Variants in YIPF7 observed in about 807,000 individuals in gnomAD.
YIPF7 encodes protein YIPF7.
YIPF7 carries 35 observed loss-of-function variants against 27.2 expected under a neutral mutation model. The ratio of observed to expected loss-of-function variants is 1.29; its 90% CI spans 0.98 to 1.70. The LOEUF is 1.70. Ranked by LOEUF, YIPF7 falls within the 40% of genes most tolerant of loss-of-function variation. The probability of loss-of-function intolerance (pLI) is 0.00; values close to 1 mark genes in which losing one functional copy is unlikely to be tolerated. For missense variants in YIPF7, 358 were observed against 303.7 expected (o/e 1.18, Z -1.33); for synonymous variants, 137 against 110.4 (o/e 1.24, Z -1.51).
upstream of YIPF7, chr4:44,651,716 C>G (rs1331526149): frequency 7.3e-6 from 7 of 957,608 alleles, no homozygotes; most frequent in South Asian, 6.4e-5. Flanking sequence ...AATAAAAAAG[C>G]CTGCCAAAAG....
intron 3 of YIPF7, among the ~76,000 whole-genome samples, chr4:44,632,116 G>T (rs1712921613): frequency 6.6e-6 from 1 of 151,920 alleles, no homozygotes; most frequent in Admixed American, 6.6e-5. Context: ...TAATAATAAA[G>T]ATTGTATGTG....
intron 4 of YIPF7, 157 bp downstream of exon 4, chr4:44,629,246 G>A: frequency 2.3e-6 from 2 of 878,586 alleles, no homozygotes; most frequent in South Asian, 5.0e-5. Context: ...ATGCATAATG[G>A]TAGCATATTT....
At chr4:44,645,658 A>G (rs1713502392) in intron 2 of YIPF7, among the ~76,000 whole-genome samples, 2 of 152,220 alleles carry the variant, frequency 1.3e-5, no homozygotes, top group Admixed American at 1.3e-4. Context: ...ACACTATTAC[A>G]GATGAAATAA....
chr4:44,632,368 G>C (rs988589007), intron 3 of YIPF7, among the ~76,000 whole-genome samples: 1 of 152,182 alleles, frequency 6.6e-6, no homozygotes, highest in African/African-American at 2.4e-5. Context: ...TACGCAAATT[G>C]TGGCATTGGC....
intron 2 of YIPF7, among the ~76,000 whole-genome samples, chr4:44,636,456 C>T (rs1489098896): frequency 6.6e-6 from 1 of 152,148 alleles, no homozygotes; most frequent in Non-Finnish European, 1.5e-5. Context: ...AATAACATTG[C>T]AGGTGCTGGA....
At position 44,622,366 on chromosome 4, in the gene YIPF7, A is replaced by G; in HGVS notation, c.*48T>C. ...ATTTGAATGTTAATATATTTCCAAA[A>G]TAATCTGGACAGCAAACAGAGTCTT... On this transcript the variant is annotated 3_prime_UTR_variant, in exon 6 of 6. Transcript: ENST00000415895. 1 of 1,557,608 alleles carries G rather than the reference A, an allele frequency of 6.4e-7. No individual in the cohort carries two copies. Among genetic ancestry groups the G allele is most frequent in the East Asian group, 2.3e-5 (1 of 43,356 alleles).
At chr4:44,634,176 G>A (rs1439375) in intron 3 of YIPF7, among the ~76,000 whole-genome samples, 13,044 of 152,258 alleles carry the variant, frequency 0.086, 605 homozygotes, top group Admixed American at 0.11. Flanking sequence ...ATAGAACTCT[G>A]TGAAACCATT....
intron 5 of YIPF7, among the ~76,000 whole-genome samples, 165 bp downstream of exon 5, chr4:44,624,436 G>A (rs191601237): frequency 3.3e-5 from 5 of 152,166 alleles, no homozygotes; most frequent in Admixed American, 3.3e-4. Flanking sequence ...CAGCACCTGG[G>A]CCAAAACTAA....
upstream of YIPF7, among the ~76,000 whole-genome samples, chr4:44,654,175 G>A (rs951506205): frequency 1.6e-4 from 24 of 152,014 alleles, no homozygotes; most frequent in Admixed American, 1.2e-3. Context: ...ATAACACTGT[G>A]TATCTATAAA....
intron 2 of YIPF7, among the ~76,000 whole-genome samples, chr4:44,637,186 T>C (rs894142558): frequency 2.6e-5 from 4 of 152,204 alleles, no homozygotes; most frequent in African/African-American, 9.6e-5. Flanking sequence ...TTTGCTATTG[T>C]GAGTAGTGCT....
chr4:44,624,608 A>G lies in YIPF7; in HGVS notation c.601T>C (p.Ser201Pro). Residue 201 changes from serine (S) to proline (P), a missense_variant, in exon 5 of 6, where the codon TCA becomes CCA. By Grantham distance (74) the Ser-to-Pro change is moderately conservative. Transcript: ENST00000415895. Reference protein sequence around the residue: ...VILSGCAMFFSLQGIFGIMSS... With the variant: ...VILSGCAMFFPLQGIFGIMSS... The stretch of plus-strand genomic sequence containing the variant: ...GAGCACACAGACACTTACTGCAGTG[A>G]AAAGAACATGGCGCAACCAGACAGG... 6.3e-7 allele frequency: 1 copy of G among 1,586,988 alleles called. No individual in the cohort carries two copies. Among genetic ancestry groups the G allele is most frequent in the Non-Finnish European group, 8.6e-7 (1 of 1,167,818 alleles).
intron 4 of YIPF7, among the ~76,000 whole-genome samples, chr4:44,626,279 C>T (rs1159634781): frequency 6.6e-6 from 1 of 152,194 alleles, no homozygotes; most frequent in African/African-American, 2.4e-5. Context: ...AACAGAAATA[C>T]ATCAGCTATC....
chr4:44,628,491 C>T (rs1343346309), intron 4 of YIPF7, among the ~76,000 whole-genome samples: 1 of 152,058 alleles, frequency 6.6e-6, no homozygotes, highest in Non-Finnish European at 1.5e-5. Context: ...AAGAGCTTTT[C>T]CTATAATGTT....
chr4:44,649,809 T>C (rs1256170007), intron 2 of YIPF7, among the ~76,000 whole-genome samples, 176 bp downstream of exon 2: 1 of 152,170 alleles, frequency 6.6e-6, no homozygotes, highest in Non-Finnish European at 1.5e-5. Context: ...TTAAGTATAC[T>C]GTATTTTGTT....
chr4:44,654,971 C>T (rs1302949421), upstream of YIPF7, among the ~76,000 whole-genome samples: 1 of 151,902 alleles, frequency 6.6e-6, no homozygotes, highest in African/African-American at 2.4e-5. Context: ...AATGACTTGA[C>T]AAAACCAGGA....
intron 2 of YIPF7, among the ~76,000 whole-genome samples, chr4:44,646,793 A>G (rs1713542610): frequency 6.6e-6 from 1 of 152,174 alleles, no homozygotes; most frequent in South Asian, 2.1e-4. Flanking sequence ...TACTGTGGAC[A>G]GGCGTGAAGG....
chr4:44,643,244 G>C lies in YIPF7; in HGVS notation c.116+6741C>G, dbSNP rs186088096. ...TTCTATGCTTTAGCAAAGAGACTGGGTGCATTGTGCCCCCTTCTCTAGGGA... is the reference window on the plus strand; with the variant it reads ...TTCTATGCTTTAGCAAAGAGACTGGCTGCATTGTGCCCCCTTCTCTAGGGA... On this transcript the variant is annotated intron_variant, in intron 2 of 5. Coordinates refer to ENST00000415895, the MANE Select transcript of YIPF7 (RefSeq NM_182592.3). Among the ~76,000 whole-genome samples, 319 of 152,286 alleles carry C rather than the reference G, an allele frequency of 2.1e-3. 2 individuals carry two copies. Among genetic ancestry groups the C allele is most frequent in the African/African-American group, 7.4e-3 (308 of 41,568 alleles).
chr4:44,622,492 G>A lies in YIPF7; in HGVS notation c.693C>T (p.His231=), dbSNP rs1426362662. Residue 231 remains histidine, a synonymous_variant, in exon 6 of 6, where the codon CAC becomes CAT. Coordinates refer to ENST00000415895, the MANE Select transcript of YIPF7 (RefSeq NM_182592.3). ...CAACAAGAAGCTGCTGTCCTTCCAT[G>A]TGCAAGGCTGCAATGAAGATCTTGG... ...SASKIFIAAL[H]MEGQQLLVAY... The A allele has an allele frequency of 6.2e-7, 1 of 1,613,948 alleles. No homozygotes were observed. The highest frequency in any genetic ancestry group is 8.5e-7 in the Non-Finnish European group (1 of 1,179,858).
chr4:44,636,735 T>A (rs1713135916), intron 2 of YIPF7, among the ~76,000 whole-genome samples: 2 of 152,214 alleles, frequency 1.3e-5, no homozygotes, highest in Non-Finnish European at 2.9e-5. Context: ...AAATGTATTA[T>A]CTAGTTGGCT....
Sources: allele counts gnomAD v4.1 joint callset (sites outside exome capture counted in the v4.1 genomes callset), GRCh38; gene constraint gnomAD v4.1.1; transcripts MANE v1.5; gene names NCBI Gene and HGNC (gene_info 2026-07-23, HGNC 2026-07-21).